The following PCSK5 variants were observed in gnomAD, a reference collection of about 807,000 sequenced individuals.
PCSK5 encodes the protein prohormone convertase 5.
In PCSK5, 129 loss-of-function variants were observed where a neutral mutation model predicts 233.2. The ratio of observed to expected loss-of-function variants is 0.55; its 90% CI spans 0.48 to 0.64. The LOEUF is 0.64. Ranked by LOEUF, PCSK5 falls within the 30% of genes least tolerant of loss-of-function variation. The probability of loss-of-function intolerance (pLI) is 0.00; values close to 1 mark genes in which losing one functional copy is unlikely to be tolerated. For synonymous variants in PCSK5, 825 were observed against 879.2 expected (o/e 0.94, Z 1.09); for missense variants, 2,076 against 2,430.1 (o/e 0.85, Z 3.06).
chr9:76,052,404 C>T (rs543378740), intron 5 of PCSK5, among the ~76,000 whole-genome samples: 4 of 152,296 alleles, frequency 2.6e-5, no homozygotes, highest in South Asian at 4.1e-4. Flanking sequence ...ACAATCATGG[C>T]AGAGGTGAGG....
At chr9:76,169,627 CAG>C (rs2131842085) in intron 12 of PCSK5, 75 bp from the exon 13 acceptor site, 3 of 1,425,430 alleles carry the variant, frequency 2.1e-6, no homozygotes, top group South Asian at 1.3e-5. Context: ...ATACAAAAAA[CAG>C]TGTCGATTGT....
At position 76,069,996 on chromosome 9, in the gene PCSK5, ATTTTTTTTTTTT is replaced by A. The variant is rs146321207; in HGVS notation, c.722-1718_722-1707del. Among the ~76,000 whole-genome samples the A allele has an allele frequency of 3.3e-5, 4 of 122,590 alleles. No individual in the cohort carries two copies. The Admixed American group carries it at 3.4e-4, about 10-fold the overall frequency. The allele number at this position is 122,590 out of a possible 152,430, so 80.4% of individuals were successfully genotyped here. On this transcript the variant is annotated intron_variant, in intron 6 of 37. Transcript: ENST00000674117. ...GACAAACTTTCCAATTTCCATTCCA[ATTTTTTTTTTTT>A]TTTTTTTTTTTAGACGGAGTCTCGC...
In PCSK5 at chr9:76,018,878, C is replaced by A. The variant is rs77581389; in HGVS notation, c.412-4860C>A. 9.4e-3 allele frequency among the ~76,000 whole-genome samples: 1,425 copies of A among 152,296 alleles called. 24 individuals are homozygous for A. The highest frequency in any genetic ancestry group is 0.032 in the African/African-American group (1,345 of 41,564). On this transcript the variant is annotated intron_variant, in intron 3 of 37. Transcript: ENST00000674117. The stretch of plus-strand genomic sequence containing the variant: ...AGAGTGATTTCTGTTATTTGAGTTT[C>A]TTTACTGGAACCTTTCTCCAACATC...
intron 9 of PCSK5, among the ~76,000 whole-genome samples, chr9:76,116,555 G>A (rs13290495): frequency 0.27 from 41,228 of 151,938 alleles, 6,103 homozygotes; most frequent in Non-Finnish European, 0.34. Flanking sequence ...CCCCTTGAGT[G>A]TGGAGATGCT....
chr9:76,311,673 G>T (rs74428315), intron 30 of PCSK5, among the ~76,000 whole-genome samples: 3,216 of 152,260 alleles, frequency 0.021, 102 homozygotes, highest in East Asian at 0.073. Context: ...GAAATGCCAA[G>T]TAAAATGACT....
intron 2 of PCSK5, among the ~76,000 whole-genome samples, chr9:75,982,099 AT>A (rs536566513): frequency 6.6e-6 from 1 of 151,868 alleles, no homozygotes; most frequent in Non-Finnish European, 1.5e-5. Context: ...TGTAACTTAC[AT>A]TTTTTTTCCA....
intron 1 of PCSK5, among the ~76,000 whole-genome samples, chr9:75,908,115 A>G (rs893948999): frequency 6.6e-6 from 1 of 152,356 alleles, no homozygotes; most frequent in South Asian, 2.1e-4. Flanking sequence ...CAAACTCAGG[A>G]CAAATAGAAC....
intron 5 of PCSK5, among the ~76,000 whole-genome samples, chr9:76,034,306 A>G (rs75647823): frequency 0.015 from 2,263 of 152,158 alleles, 54 homozygotes; most frequent in African/African-American, 0.047. Flanking sequence ...CCCTTCTCTT[A>G]CCTATACCCT....
At chr9:76,171,229 C>A (rs1205092694) in intron 13 of PCSK5, among the ~76,000 whole-genome samples, 1 of 152,168 alleles carries the variant, frequency 6.6e-6, no homozygotes, top group Non-Finnish European at 1.5e-5. Flanking sequence ...CTCCTTTCTT[C>A]CTCTTTGCAG....
At chr9:76,041,832 C>T (rs1184516088) in intron 5 of PCSK5, among the ~76,000 whole-genome samples, 1 of 135,144 alleles carries the variant, frequency 7.4e-6, no homozygotes, top group Non-Finnish European at 1.5e-5. Context: ...GAGCAAGACT[C>T]TGTCTCAAGG....
At chr9:76,139,827 A>C (rs1564056083) in intron 10 of PCSK5, among the ~76,000 whole-genome samples, 1 of 152,112 alleles carries the variant, frequency 6.6e-6, no homozygotes, top group African/African-American at 2.4e-5. Flanking sequence ...TGTGAATCAC[A>C]CAGAATTCAG....
At chr9:75,980,665 CATT>C (rs1329458259) in intron 2 of PCSK5, among the ~76,000 whole-genome samples, 8 of 151,942 alleles carry the variant, frequency 5.3e-5, no homozygotes, top group African/African-American at 1.9e-4. Context: ...AAAAACTCCT[CATT>C]AATGATAAGT....
rs1400374190 is a variant in PCSK5 at position 76,359,690 on chromosome 9, C to T, written c.*768C>T. 6.6e-6 allele frequency: 1 copy of T among 152,118 alleles called. No homozygotes were observed. The highest frequency in any genetic ancestry group is 1.5e-5 in the Non-Finnish European group (1 of 68,010). The allele number at this position is 152,118 out of a possible 1,614,324, so 9.4% of individuals were successfully genotyped here. A position where few individuals can be genotyped will look rare whatever the true frequency, so the allele number is the denominator to read the frequency against. On this transcript the variant is annotated 3_prime_UTR_variant, in exon 38 of 38. Transcript: ENST00000674117. ...CCAGGAACTGCACTCTCATGATTTT[C>T]TGGGTACTTTTCGCCTGGGAGACAT...
At chr9:75,942,882 C>CT (rs35508069) in intron 2 of PCSK5, among the ~76,000 whole-genome samples, 8,455 of 112,632 alleles carry the variant, frequency 0.075, 620 homozygotes, top group East Asian at 0.24. Flanking sequence ...TTTTCTTCTT[C>CT]TTCTTTTTTT....
chr9:75,903,565 T>TGTGTGG (rs1826134783), intron 1 of PCSK5, among the ~76,000 whole-genome samples: 1 of 134,736 alleles, frequency 7.4e-6, no homozygotes. Flanking sequence ...TGTATATATG[T>TGTGTGG]GTGTGTGTGT....
chr9:76,192,208 A>G (rs1196935045), intron 20 of PCSK5, among the ~76,000 whole-genome samples: 1 of 152,156 alleles, frequency 6.6e-6, no homozygotes, highest in Non-Finnish European at 1.5e-5. Flanking sequence ...CATGGTGAGC[A>G]CTGGATAAGT....
At position 76,254,050 on chromosome 9, in the gene PCSK5, G is replaced by A. The variant is rs1826899913; in HGVS notation, c.3142+13366G>A. On this transcript the variant is annotated intron_variant, in intron 24 of 37. Coordinates refer to ENST00000674117, the MANE Select transcript of PCSK5 (RefSeq NM_001372043.1). Reference sequence around the variant, plus strand: ...TCCTTAATTCAGGACCAGGTTGATAGAGCAGCCACTACCTTGCCATGGCAG... The same window carrying A: ...TCCTTAATTCAGGACCAGGTTGATAAAGCAGCCACTACCTTGCCATGGCAG... 2.6e-5 allele frequency among the ~76,000 whole-genome samples: 4 copies of A among 152,264 alleles called. No individual in the cohort carries two copies. In the South Asian group the frequency reaches 8.3e-4, roughly 32 times the overall value.
intron 10 of PCSK5, among the ~76,000 whole-genome samples, chr9:76,147,735 A>G (rs1381313570): frequency 6.6e-6 from 1 of 152,188 alleles, no homozygotes; most frequent in Non-Finnish European, 1.5e-5. Context: ...ATAAAGTGCC[A>G]TCCCTGGAAG....
At chr9:76,183,708 AC>A (rs1167419850) in intron 16 of PCSK5, among the ~76,000 whole-genome samples, 2 of 152,216 alleles carry the variant, frequency 1.3e-5, no homozygotes, top group Non-Finnish European at 2.9e-5. Flanking sequence ...AGAGGCTCAG[AC>A]TTGATCCAGC....
Sources: allele counts gnomAD v4.1 joint callset (sites outside exome capture counted in the v4.1 genomes callset), GRCh38; gene constraint gnomAD v4.1.1; transcripts MANE v1.5; gene names NCBI Gene and HGNC (gene_info 2026-07-23, HGNC 2026-07-21).